The following ADGRL3 variants were observed in gnomAD, a reference collection of about 807,000 sequenced individuals.
ADGRL3 encodes the protein adhesion G protein-coupled receptor L3.
In ADGRL3, 62 loss-of-function variants were observed where a neutral mutation model predicts 153.5. That is an observed-to-expected ratio of 0.40 (90% CI 0.33 to 0.50). ADGRL3 has a LOEUF of 0.50. ADGRL3 is among the 20% of genes least tolerant of loss of function. The pLI, the probability that ADGRL3 is intolerant of heterozygous loss-of-function variation, is 0.47. For missense variants in ADGRL3, 1,641 were observed against 1,859.4 expected (o/e 0.88, Z 2.16); for synonymous variants, 710 against 672.5 (o/e 1.06, Z -0.86).
At chr4:61,482,650 A>G (rs28414023) in intron 2 of ADGRL3, among the ~76,000 whole-genome samples, 1 of 152,302 alleles carries the variant, frequency 6.6e-6, no homozygotes, top group East Asian at 1.9e-4. Context: ...GGCTTTTTGC[A>G]GGGATCAAAG....
At chr4:61,886,568 T>C (rs1033706356) in intron 9 of ADGRL3, among the ~76,000 whole-genome samples, 1 of 150,606 alleles carries the variant, frequency 6.6e-6, no homozygotes, top group Non-Finnish European at 1.5e-5. Flanking sequence ...AAAAGAAAAT[T>C]AATACATTTT....
chr4:61,969,993 T>C (rs1019649663), intron 17 of ADGRL3, among the ~76,000 whole-genome samples: 2 of 152,170 alleles, frequency 1.3e-5, no homozygotes, highest in African/African-American at 4.8e-5. Context: ...AGCAAAAATT[T>C]ACTGCTAAAA....
chr4:62,023,614 C>T (rs1351797706), intron 21 of ADGRL3, among the ~76,000 whole-genome samples: 1 of 152,120 alleles, frequency 6.6e-6, no homozygotes, highest in Non-Finnish European at 1.5e-5. Flanking sequence ...CCCTTAGCAA[C>T]TCATCACCCT....
intron 2 of ADGRL3, among the ~76,000 whole-genome samples, chr4:61,390,317 T>G (rs1387025634): frequency 6.6e-6 from 1 of 152,140 alleles, no homozygotes; most frequent in Non-Finnish European, 1.5e-5. Flanking sequence ...CTTAGTTATC[T>G]TAAAGTGTCC....
chr4:61,523,802 A>G (rs1279148271), intron 4 of ADGRL3, among the ~76,000 whole-genome samples: 1 of 151,968 alleles, frequency 6.6e-6, no homozygotes, highest in Admixed American at 6.6e-5. Flanking sequence ...CTTTTTTTCT[A>G]TTGGTGTAAA....
chr4:61,304,669 G>C (rs1475699637), intron 1 of ADGRL3, among the ~76,000 whole-genome samples: 3 of 151,920 alleles, frequency 2.0e-5, no homozygotes, highest in Non-Finnish European at 4.4e-5. Context: ...GTGTTTTTGT[G>C]GTTTCCTTGT....
chr4:61,369,012 AT>A (rs1462449580), intron 1 of ADGRL3, among the ~76,000 whole-genome samples: 1 of 152,098 alleles, frequency 6.6e-6, no homozygotes, highest in African/African-American at 2.4e-5. Flanking sequence ...GAGTTCACTC[AT>A]TATTTGGCTC....
chr4:61,635,090 C>T (rs2093358024), intron 5 of ADGRL3, among the ~76,000 whole-genome samples: 2 of 152,102 alleles, frequency 1.3e-5, no homozygotes, highest in Admixed American at 6.6e-5. Flanking sequence ...AGGGCCTTTG[C>T]ATTCTGGGCC....
chr4:61,888,437 A>G (rs1041791962), intron 9 of ADGRL3, among the ~76,000 whole-genome samples: 19 of 152,242 alleles, frequency 1.2e-4, no homozygotes, highest in African/African-American at 3.6e-4. Context: ...AACTTTGCCA[A>G]TCAGTGACTG....
chr4:61,940,008 C>T (rs1347823525), intron 15 of ADGRL3, among the ~76,000 whole-genome samples: 3 of 145,530 alleles, frequency 2.1e-5, no homozygotes. Flanking sequence ...TATACATGTG[C>T]CATGCTGGTG....
At chr4:61,237,541 T>A (rs1753299699) in intron 1 of ADGRL3, among the ~76,000 whole-genome samples, 1 of 152,144 alleles carries the variant, frequency 6.6e-6, no homozygotes, top group African/African-American at 2.4e-5. Flanking sequence ...ACCTTTTGAT[T>A]TGACCCTGAA....
chr4:61,236,008 C>CTTTTTTTTTTTTTTTT (rs55932029), intron 1 of ADGRL3, among the ~76,000 whole-genome samples: 7 of 95,902 alleles, frequency 7.3e-5, no homozygotes, highest in Non-Finnish European at 1.1e-4. Flanking sequence ...CTTTTCTTTT[C>CTTTTTTTTTTTTTTTT]TTTTTTTTTT....
chr4:61,987,933 T>C (rs2150940106), intron 19 of ADGRL3, among the ~76,000 whole-genome samples: 1 of 152,214 alleles, frequency 6.6e-6, no homozygotes, highest in South Asian at 2.1e-4. Context: ...TTTAATATAA[T>C]AATAATACCT....
At chr4:61,654,452 C>T (rs1409999850) in intron 5 of ADGRL3, among the ~76,000 whole-genome samples, 2 of 151,842 alleles carry the variant, frequency 1.3e-5, no homozygotes, top group South Asian at 2.1e-4. Context: ...TGTTAATATG[C>T]TGTAGGGATG....
chr4:61,379,003 A>G (rs2096637045), intron 1 of ADGRL3, among the ~76,000 whole-genome samples: 1 of 152,026 alleles, frequency 6.6e-6, no homozygotes, highest in Non-Finnish European at 1.5e-5. Context: ...TCTAATCTGT[A>G]AAATAGGGTG....
chr4:62,027,794 A>C (rs901703766), intron 21 of ADGRL3, among the ~76,000 whole-genome samples: 5 of 151,952 alleles, frequency 3.3e-5, no homozygotes, highest in African/African-American at 1.2e-4. Context: ...TTTCATTATC[A>C]CAAGAAACTT....
chr4:61,374,576 A>G (rs2096581498), intron 1 of ADGRL3, among the ~76,000 whole-genome samples: 1 of 152,152 alleles, frequency 6.6e-6, no homozygotes, highest in African/African-American at 2.4e-5. Context: ...ATCTTAGACA[A>G]AGTGAGAAAT....
intron 1 of ADGRL3, among the ~76,000 whole-genome samples, chr4:61,320,765 T>A (rs961248989): frequency 7.9e-5 from 12 of 152,244 alleles, no homozygotes; most frequent in Non-Finnish European, 1.8e-4. Context: ...ATCACACTGC[T>A]GTAACAAATT....
In ADGRL3 at chr4:62,077,654, G is replaced by A. The variant is rs949115119; in HGVS notation, c.*6746G>A. 2 of 151,834 alleles carry A rather than the reference G, an allele frequency of 1.3e-5. No homozygotes were observed. Among genetic ancestry groups the A allele is most frequent in the African/African-American group, 4.8e-5 (2 of 41,388 alleles). The allele number at this position is 151,834 out of a possible 1,614,324, so 9.4% of individuals were successfully genotyped here. A position where few individuals can be genotyped will look rare whatever the true frequency, so the allele number is the denominator to read the frequency against. On this transcript the variant is annotated 3_prime_UTR_variant, in exon 27 of 27. Coordinates refer to ENST00000683033, the MANE Select transcript of ADGRL3 (RefSeq NM_001387552.1). ...GCTAATTAGTGCCTAGTCCTCTGGA[G>A]TATTTTTTAATGCCCTGAATTTCAA...
Sources: gnomAD v4.1 joint callset for allele counts (sites outside exome capture counted in the v4.1 genomes callset) on GRCh38, gnomAD v4.1.1 for gene constraint, MANE v1.5 for transcripts, NCBI Gene and HGNC (gene_info 2026-07-23, HGNC 2026-07-21) for gene names.